DGKD: variants seen among roughly 807,000 people sequenced by gnomAD.
DGKD encodes the protein diacylglycerol kinase delta, also known as DAG kinase delta.
DGKD carries 68 observed loss-of-function variants against 154.4 expected under a neutral mutation model. The ratio of observed to expected loss-of-function variants is 0.44; its 90% CI spans 0.36 to 0.54. The LOEUF is 0.54. Among genes scored for constraint, DGKD ranks in the 20% least tolerant of loss-of-function variants. The pLI is 0.00. For missense variants in DGKD, 1,343 were observed against 1,593.6 expected, an observed-to-expected ratio of 0.84 and a Z score of 2.68; for synonymous variants, 693 against 638.0, an observed-to-expected ratio of 1.09 and a Z score of -1.30.
chr2:233,436,930 A>G (rs748354708), intron 7 of DGKD, among the ~76,000 whole-genome samples: 7 of 152,086 alleles, frequency 4.6e-5, no homozygotes, highest in Admixed American at 2.6e-4. Flanking sequence ...AGACTCAGGG[A>G]GCCTCCATGT....
chr2:233,423,100 TTTTTATTACTGAGTAGTATTCC>T (rs1469554783), intron 3 of DGKD, among the ~76,000 whole-genome samples: 2 of 152,182 alleles, frequency 1.3e-5, no homozygotes, highest in African/African-American at 4.8e-5. Context: ...TGGTTGTTCC[TTTTTATTACTGAGTAGTATTCC>T]ACGGGTGTAC....
intron 3 of DGKD, among the ~76,000 whole-genome samples, chr2:233,399,367 G>C (rs2061502001): frequency 6.6e-6 from 1 of 152,336 alleles, no homozygotes; most frequent in South Asian, 2.1e-4. Context: ...GTTCGGCTCT[G>C]CAGGAAGCTT....
rs1250354792 is a variant in DGKD, at chr2:233,438,751, CTATCATCTATCT to C, written c.1085+373_1085+384del. ...TATAATTTTTTATTTATCTGTCTAT[CTATCATCTATCT>C]ATCTATCTATCTATCTATCTATCTA... On this transcript the variant is annotated intron_variant, in intron 9 of 29. Transcript: ENST00000264057. The surrounding 1 kb of genome is among the most constrained non-coding windows in gnomAD (Gnocchi z 4.1). Among the ~76,000 whole-genome samples, 1,533 of 96,700 alleles carry C rather than the reference CTATCATCTATCT, an allele frequency of 0.016. 19 individuals are homozygous for C. The highest frequency in any genetic ancestry group is 0.017 in the Non-Finnish European group (825 of 48,794). The allele number at this position is 96,700 out of a possible 152,430, so 63.4% of individuals were successfully genotyped here.
At chr2:233,431,491 G>A (rs746109406) in intron 3 of DGKD, among the ~76,000 whole-genome samples, 11 of 152,154 alleles carry the variant, frequency 7.2e-5, no homozygotes, top group African/African-American at 9.7e-5. Flanking sequence ...AATTTATATG[G>A]ATCCAGAATA....
At chr2:233,375,750 C>T (rs1702540072) in intron 1 of DGKD, among the ~76,000 whole-genome samples, 1 of 152,014 alleles carries the variant, frequency 6.6e-6, no homozygotes. Flanking sequence ...TGGAAATTTC[C>T]AAGCAGACAC....
rs377334117 is a variant in DGKD at position 233,465,397 on chromosome 2, C to T, written c.3306+1114C>T. On this transcript the variant is annotated intron_variant, in intron 27 of 29. Coordinates refer to ENST00000264057, the MANE Select transcript of DGKD (RefSeq NM_152879.3). The stretch of plus-strand genomic sequence containing the variant: ...AAAGCATGTTAAATTCCTCCTCTTA[C>T]AGTGGAAGAACGTTACAAACAACAT... Among the ~76,000 whole-genome samples the T allele has an allele frequency of 9.9e-5, 15 of 152,244 alleles. No individual in the cohort carries two copies. The South Asian group carries it at 2.7e-3, about 27-fold the overall frequency.
intron 3 of DGKD, among the ~76,000 whole-genome samples, chr2:233,426,689 A>G (rs73995949): frequency 0.03 from 4,638 of 152,188 alleles, 229 homozygotes; most frequent in African/African-American, 0.11. Context: ...TAGAGTAGTG[A>G]TGCTATGAAC....
intron 25 of DGKD, 70 bp downstream of exon 25, chr2:233,462,529 G>T: frequency 6.5e-7 from 1 of 1,536,714 alleles, no homozygotes. Context: ...CCCCGTGCGT[G>T]TTCATTCCCC....
rs1209520259 is a variant in DGKD, at chr2:233,395,662, C to CT, written c.348+5191dup. 2.8e-3 allele frequency among the ~76,000 whole-genome samples: 361 copies of CT among 128,404 alleles called. 2 individuals carry two copies. Among genetic ancestry groups the CT allele is most frequent in the Middle Eastern group, 8.7e-3 (2 of 230 alleles). 84.2% of individuals were successfully genotyped at this position (128,404 alleles called of 152,430 possible). ...TCTATCTTCCTTTCTTTCCTTTTTC[C>CT]TTTTTTTTTTTTAATTTAAATTTAA... On this transcript the variant is annotated intron_variant, in intron 3 of 29. Transcript: ENST00000264057.
intron 1 of DGKD, among the ~76,000 whole-genome samples, chr2:233,367,737 C>T (rs1467456176): frequency 6.6e-6 from 1 of 152,104 alleles, no homozygotes; most frequent in Non-Finnish European, 1.5e-5. Flanking sequence ...ATGGAATGCT[C>T]TGTGCTCTAC....
rs201299808 is a variant in DGKD, at chr2:233,459,993, ATT to A, written c.2829+115_2829+116del. On this transcript the variant is annotated intron_variant, in intron 23 of 29. Coordinates refer to ENST00000264057, the MANE Select transcript of DGKD (RefSeq NM_152879.3). This position sits in a 1 kb window ranked among gnomAD's most constrained non-coding sequence, Gnocchi z 5.7. ...GGAGCTTTTTGTGTTTTGTTCTAGG[ATT>A]TTTTTTTTTTTTAAGACACAATGAT... The A allele has an allele frequency of 2.5e-3, 3,018 of 1,225,696 alleles. No individual in the cohort carries two copies. The highest frequency in any genetic ancestry group is 6.8e-3 in the South Asian group (382 of 56,490). 75.9% of individuals were successfully genotyped at this position (1,225,696 alleles called of 1,614,324 possible).
At chr2:233,412,075 T>G (rs1458513297) in intron 3 of DGKD, among the ~76,000 whole-genome samples, 1 of 152,226 alleles carries the variant, frequency 6.6e-6, no homozygotes, top group African/African-American at 2.4e-5. Flanking sequence ...TTTTCTAACA[T>G]AGCTTTATTC....
chr2:233,434,594 C>A, intron 4 of DGKD, 110 bp downstream of exon 4: 1 of 1,427,336 alleles, frequency 7.0e-7, no homozygotes, highest in Non-Finnish European at 9.8e-7. Flanking sequence ...AGCTCACGTT[C>A]TTAGCATGTT....
chr2:233,368,711 T>G (rs1172325689), intron 1 of DGKD, among the ~76,000 whole-genome samples: 1 of 152,098 alleles, frequency 6.6e-6, no homozygotes, highest in East Asian at 1.9e-4. Flanking sequence ...TGAGTATCAC[T>G]ATATGGATTC....
intron 1 of DGKD, among the ~76,000 whole-genome samples, chr2:233,380,377 T>A (rs1702823730): frequency 6.6e-6 from 1 of 152,174 alleles, no homozygotes; most frequent in African/African-American, 2.4e-5. Context: ...CAGACAGGAA[T>A]GCATTTGGCT....
chr2:233,407,383 G>T (rs949144816), intron 3 of DGKD, among the ~76,000 whole-genome samples: 1 of 152,184 alleles, frequency 6.6e-6, no homozygotes, highest in Non-Finnish European at 1.5e-5. Context: ...AAAGTTAAGG[G>T]AAAACCAAGT....
rs2063997902 is a variant in DGKD, at chr2:233,471,059, T to A, written c.*1599T>A. ...GCCCACCTCCCACTCACAGCCCCTC[T>A]GTCCCCTCTGCAGTGCACCCAGGTG... On this transcript the variant is annotated 3_prime_UTR_variant, in exon 30 of 30. Transcript: ENST00000264057. 1 of 152,504 alleles carries A rather than the reference T, an allele frequency of 6.6e-6. No individual in the cohort carries two copies. The highest frequency in any genetic ancestry group is 2.4e-5 in the African/African-American group (1 of 41,440). The allele number at this position is 152,504 out of a possible 1,614,324, so 9.4% of individuals were successfully genotyped here.
intron 3 of DGKD, 79 bp downstream of exon 3, chr2:233,390,562 A>G (rs1247091301): frequency 9.6e-7 from 1 of 1,039,730 alleles, no homozygotes; most frequent in Non-Finnish European, 1.5e-6. Flanking sequence ...GTGTCCAAGC[A>G]GTTCAAACGT....
intron 9 of DGKD, among the ~76,000 whole-genome samples, chr2:233,439,352 G>A (rs570675131): frequency 1.3e-5 from 2 of 152,326 alleles, no homozygotes; most frequent in South Asian, 2.1e-4. Context: ...GCCAGGGTAA[G>A]AGGAACATGC....
Sources: gnomAD v4.1 joint callset for allele counts (sites outside exome capture counted in the v4.1 genomes callset) on GRCh38, gnomAD v4.1.1 for gene constraint, Gnocchi (gnomAD v3.1) non-coding constraint, MANE v1.5 for transcripts, NCBI Gene and HGNC (gene_info 2026-07-23, HGNC 2026-07-21) for gene names.